Variants in MRAP2 observed in about 807,000 individuals in gnomAD.
MRAP2 encodes melanocortin 2 receptor accessory protein 2, also known as melanocortin-2 receptor accessory protein 2.
MRAP2 carries 20 observed loss-of-function variants against 17.4 expected under a neutral mutation model. The ratio of observed to expected loss-of-function variants is 1.15; its 90% CI spans 0.81 to 1.67. MRAP2 has a LOEUF of 1.67. Among genes scored for constraint, MRAP2 ranks in the 40% most tolerant of loss-of-function variants. The probability of loss-of-function intolerance (pLI) is 0.00; values close to 1 mark genes in which losing one functional copy is unlikely to be tolerated. For synonymous variants in MRAP2, 96 were observed against 88.4 expected, an observed-to-expected ratio of 1.09 and a Z score of -0.48; for missense variants, 238 against 240.0, an observed-to-expected ratio of 0.99 and a Z score of 0.05.
chr6:84,144,545 A>G, the MRAP2 span, among the ~76,000 whole-genome samples: 1 of 152,122 alleles, frequency 6.6e-6, no homozygotes, highest in South Asian at 2.1e-4. Flanking sequence ...CTATAAATAC[A>G]AAGTGTTTTT....
At chr6:84,036,833 C>A (rs2099486154) in intron 1 of MRAP2, among the ~76,000 whole-genome samples, 1 of 152,170 alleles carries the variant, frequency 6.6e-6, no homozygotes, top group Admixed American at 6.5e-5. Flanking sequence ...ATTTACAATC[C>A]CTGAGCTAGA....
the MRAP2 span, among the ~76,000 whole-genome samples, chr6:84,109,658 T>TTACACG: frequency 6.6e-6 from 1 of 152,166 alleles, no homozygotes; most frequent in Non-Finnish European, 1.5e-5. Context: ...ACATGCAGTT[T>TTACACG]TGTTACATAG....
intron 2 of MRAP2, among the ~76,000 whole-genome samples, chr6:84,059,888 C>G (rs184854069): frequency 5.3e-5 from 8 of 152,298 alleles, no homozygotes; most frequent in Non-Finnish European, 1.2e-4. Flanking sequence ...AGACAACGGG[C>G]TCCACTTTTC....
intron 3 of MRAP2, among the ~76,000 whole-genome samples, chr6:84,067,737 T>G (rs1454940607): frequency 3.3e-5 from 5 of 149,310 alleles, no homozygotes; most frequent in South Asian, 2.1e-4. Context: ...ATTGTTTTTT[T>G]TTTTTTTTTT....
the MRAP2 span, among the ~76,000 whole-genome samples, chr6:84,110,770 T>G: frequency 6.6e-6 from 1 of 152,220 alleles, no homozygotes; most frequent in East Asian, 1.9e-4. Context: ...CTTGAGTTAA[T>G]TTTTGTATAA....
the MRAP2 span, among the ~76,000 whole-genome samples, chr6:84,118,320 G>T: frequency 6.6e-6 from 1 of 152,154 alleles, no homozygotes; most frequent in Non-Finnish European, 1.5e-5. Flanking sequence ...GGTCTGCTGG[G>T]ACTCTCCAAA....
chr6:84,046,738 G>A lies in MRAP2; in HGVS notation c.-7-8574G>A, dbSNP rs934005930. ...GGAGGTTGCAGTGAGCTGAGATCAC[G>A]CCACTGCACTCCAGCCTGGGCAACA... On this transcript the variant is annotated intron_variant, in intron 1 of 3. Coordinates refer to ENST00000257776, the MANE Select transcript of MRAP2 (RefSeq NM_138409.4). Among the ~76,000 whole-genome samples, 3 of 128,752 alleles carry A rather than the reference G, an allele frequency of 2.3e-5. No homozygotes were observed. The South Asian group carries it at 7.7e-4, about 33-fold the overall frequency. 84.5% of individuals were successfully genotyped at this position (128,752 alleles called of 152,430 possible). A position where few individuals can be genotyped will look rare whatever the true frequency, so the allele number is the denominator to read the frequency against.
At chr6:84,136,953 TAGGAAG>T in the MRAP2 span, among the ~76,000 whole-genome samples, 1 of 152,220 alleles carries the variant, frequency 6.6e-6, no homozygotes, top group Admixed American at 6.5e-5. Context: ...AAATACTTCA[TAGGAAG>T]ACAGTTTTGG....
At chr6:84,085,830 T>G (rs1224937685) in intron 3 of MRAP2, among the ~76,000 whole-genome samples, 5 of 151,986 alleles carry the variant, frequency 3.3e-5, no homozygotes, top group African/African-American at 9.7e-5. Flanking sequence ...CAGAATTTTA[T>G]AGTTCCAAGA....
At chr6:84,091,780 A>T (rs1297763913), downstream of MRAP2, among the ~76,000 whole-genome samples, 2 of 152,192 alleles carry the variant, frequency 1.3e-5, no homozygotes, top group Non-Finnish European at 2.9e-5. Flanking sequence ...AGCTTGCCAT[A>T]GTCTCATGGA....
the MRAP2 span, among the ~76,000 whole-genome samples, chr6:84,117,687 T>A: frequency 3.0e-4 from 39 of 131,896 alleles, no homozygotes; most frequent in African/African-American, 9.1e-4. Flanking sequence ...GTGTGTGTGG[T>A]TGTTGTTGTT....
chr6:84,051,587 G>A (rs2099490433), intron 1 of MRAP2, among the ~76,000 whole-genome samples: 1 of 152,146 alleles, frequency 6.6e-6, no homozygotes, highest in Non-Finnish European at 1.5e-5. Context: ...GCCAGGTGTG[G>A]TGGCTCATGC....
chr6:84,092,816 A>G (rs1394983672), downstream of MRAP2, among the ~76,000 whole-genome samples: 1 of 152,202 alleles, frequency 6.6e-6, no homozygotes, highest in Non-Finnish European at 1.5e-5. Context: ...AAAAATCTGC[A>G]TACAAGTGGA....
rs755195698 is a variant in MRAP2, at chr6:84,089,524, A to G, written c.*43A>G. On this transcript the variant is annotated 3_prime_UTR_variant, in exon 4 of 4. Transcript: ENST00000257776. ...GGGTCTTCCTGAAGATGTGGATTCT[A>G]TCTTTATGTAGCAAGAAATCTACAT... The G allele has an allele frequency of 6.4e-7, 1 of 1,561,970 alleles. No homozygotes were observed. Among genetic ancestry groups the G allele is most frequent in the Non-Finnish European group, 8.7e-7 (1 of 1,153,730 alleles).
At chr6:84,146,171 T>C in the MRAP2 span, among the ~76,000 whole-genome samples, 1 of 152,118 alleles carries the variant, frequency 6.6e-6, no homozygotes, top group Non-Finnish European at 1.5e-5. Context: ...CCAAATCTCT[T>C]CAAAGCTACC....
downstream of MRAP2, among the ~76,000 whole-genome samples, chr6:84,094,092 A>G (rs2099502246): frequency 6.6e-6 from 1 of 152,220 alleles, no homozygotes; most frequent in Non-Finnish European, 1.5e-5. Context: ...ACATTAGGCA[A>G]GAGGCTCTTC....
the MRAP2 span, among the ~76,000 whole-genome samples, chr6:84,119,841 G>A: frequency 6.6e-6 from 1 of 152,106 alleles, no homozygotes; most frequent in Non-Finnish European, 1.5e-5. Context: ...AGATTAGAAA[G>A]CAAATTCTAG....
intron 3 of MRAP2, among the ~76,000 whole-genome samples, chr6:84,078,682 G>A (rs2129173018): frequency 6.6e-6 from 1 of 152,284 alleles, no homozygotes; most frequent in African/African-American, 2.4e-5. Context: ...GACTGGATTA[G>A]CTCTCTTGGG....
intron 1 of MRAP2, among the ~76,000 whole-genome samples, chr6:84,046,434 TCTC>T (rs2099489068): frequency 6.6e-6 from 1 of 152,016 alleles, no homozygotes; most frequent in South Asian, 2.1e-4. Flanking sequence ...GTAGTGCACT[TCTC>T]CTGAAATGAA....
Sources: gnomAD v4.1 joint callset for allele counts (sites outside exome capture counted in the v4.1 genomes callset) on GRCh38, gnomAD v4.1.1 for gene constraint, MANE v1.5 for transcripts, NCBI Gene and HGNC (gene_info 2026-07-23, HGNC 2026-07-21) for gene names.